The following CCDC175 variants were observed in gnomAD, a reference collection of about 807,000 sequenced individuals.
CCDC175 encodes coiled-coil domain containing 175.
A neutral mutation model predicts 114.6 loss-of-function variants in CCDC175; 100 were observed. The ratio of observed to expected loss-of-function variants is 0.87; its 90% CI spans 0.74 to 1.03. The LOEUF is 1.03. Among genes scored for constraint, CCDC175 ranks in the 50% least tolerant of loss-of-function variants. The pLI, the probability that CCDC175 is intolerant of heterozygous loss-of-function variation, is 0.00. For missense variants in CCDC175, 880 were observed against 917.8 expected, an observed-to-expected ratio of 0.96 and a Z score of 0.53; for synonymous variants, 306 against 308.7, an observed-to-expected ratio of 0.99 and a Z score of 0.09.
intron 3 of CCDC175, 108 bp downstream of exon 3, chr14:59,572,594 T>A: frequency 1.7e-6 from 1 of 590,070 alleles, no homozygotes. Flanking sequence ...ATGTATGCTT[T>A]CTAGCTCTAT....
At chr14:59,554,237 T>C (rs553009644) in intron 7 of CCDC175, among the ~76,000 whole-genome samples, 56 of 152,310 alleles carry the variant, frequency 3.7e-4, no homozygotes, top group African/African-American at 1.3e-3. Context: ...TCAGCAAATG[T>C]AAAAGAACAG....
intron 19 of CCDC175, among the ~76,000 whole-genome samples, chr14:59,506,135 T>A (rs1165188297): frequency 6.6e-6 from 1 of 152,128 alleles, no homozygotes; most frequent in Admixed American, 6.6e-5. Flanking sequence ...ATTTAATAAC[T>A]ACCTTGTTAT....
chr14:59,529,608 C>T (rs1022955281), intron 14 of CCDC175, among the ~76,000 whole-genome samples: 3 of 152,038 alleles, frequency 2.0e-5, no homozygotes, highest in Non-Finnish European at 4.4e-5. Flanking sequence ...CTGCCTCTAT[C>T]CAATTACATC....
At chr14:59,511,548 T>TTAAAAAAAAAA (rs548112842) in intron 18 of CCDC175, among the ~76,000 whole-genome samples, 1 of 94,648 alleles carries the variant, frequency 1.1e-5, no homozygotes, top group African/African-American at 4.1e-5. Context: ...TGATATTTGG[T>TTAAAAAAAAAA]AAAAAAAAAA....
At chr14:59,545,079 T>G (rs1895020831) in intron 9 of CCDC175, 84 bp downstream of exon 9, 1 of 1,273,744 alleles carries the variant, frequency 7.9e-7, no homozygotes, top group Non-Finnish European at 1.1e-6. Context: ...AGGATAAGTT[T>G]AAGTGGAGAG....
intron 14 of CCDC175, among the ~76,000 whole-genome samples, chr14:59,528,669 T>C (rs1015135666): frequency 2.6e-5 from 4 of 152,124 alleles, no homozygotes; most frequent in African/African-American, 4.8e-5. Context: ...CATTATTCAC[T>C]GATTTTTTTC....
intron 9 of CCDC175, among the ~76,000 whole-genome samples, chr14:59,544,547 T>A (rs1352335473): frequency 1.3e-5 from 2 of 152,142 alleles, no homozygotes; most frequent in East Asian, 3.8e-4. Flanking sequence ...CCAGAATTTA[T>A]CTGTTGAAAT....
At chr14:59,551,757 G>T (rs1895505633) in intron 7 of CCDC175, among the ~76,000 whole-genome samples, 1 of 152,188 alleles carries the variant, frequency 6.6e-6, no homozygotes, top group Non-Finnish European at 1.5e-5. Flanking sequence ...GGAAAATCCG[G>T]TCACTCCCAC....
chr14:59,575,144 A>AT, intron 1 of CCDC175, 116 bp from the exon 2 acceptor site: 1 of 569,344 alleles, frequency 1.8e-6, no homozygotes, highest in African/African-American at 1.9e-5. Flanking sequence ...CAGTCTCTGA[A>AT]TTTTTATTGT....
intron 18 of CCDC175, 29 bp downstream of exon 18, chr14:59,511,731 T>C (rs1363990097): frequency 1.3e-6 from 2 of 1,523,454 alleles, no homozygotes; most frequent in East Asian, 2.4e-5. Context: ...GATATTTATA[T>C]GGAGGCAACA....
rs763150349 is a variant in CCDC175 at position 59,563,738 on chromosome 14, G to A, written c.842C>T (p.Ala281Val). Residue 281 changes from alanine to valine, a missense_variant and splice_region_variant, in exon 6 of 20, where the codon GCG becomes GTG. Transcript: ENST00000537690. ...TATATATAGTTTATTCTTTCTTACC[G>A]CTGCGGAAACAGTAACTGTTTCTTT... is the stretch of plus-strand genomic sequence containing the variant. ...KIKETVTVSA[A>V]VLSDHNLEIA... 14 of 1,397,148 alleles carry A rather than the reference G, an allele frequency of 1.0e-5. No homozygotes were observed. Among genetic ancestry groups the A allele is most frequent in the African/African-American group, 7.5e-5 (5 of 66,260 alleles). 86.5% of individuals were successfully genotyped at this position (1,397,148 alleles called of 1,614,324 possible).
intron 17 of CCDC175, among the ~76,000 whole-genome samples, chr14:59,513,141 T>G (rs570379804): frequency 2.6e-5 from 4 of 152,248 alleles, no homozygotes; most frequent in African/African-American, 9.6e-5. Context: ...ACAATGAAAT[T>G]CAAGCATTGC....
chr14:59,545,158 C>T lies in CCDC175; in HGVS notation c.1172+5G>A, dbSNP rs1010380077. On this transcript the variant is annotated splice_donor_5th_base_variant and intron_variant, in intron 9 of 19. Transcript: ENST00000537690. The stretch of plus-strand genomic sequence containing the variant: ...GTTGAATCACACGTGTGGGTAAAGA[C>T]ATACTCATCATGAATCTTTTGTTTT... 1.6e-5 allele frequency: 25 copies of T among 1,535,956 alleles called. No individual in the cohort carries two copies. Among genetic ancestry groups the T allele is most frequent in the Non-Finnish European group, 1.8e-5 (21 of 1,146,466 alleles).
chr14:59,575,659 G>C (rs1897073957), intron 1 of CCDC175, among the ~76,000 whole-genome samples: 1 of 152,060 alleles, frequency 6.6e-6, no homozygotes, highest in African/African-American at 2.4e-5. Flanking sequence ...ACAGACGTGC[G>C]TCACCACGCC....
At position 59,530,816 on chromosome 14, in the gene CCDC175, A is replaced by G. The variant is rs189380270; in HGVS notation, c.1762+956T>C. 5.8e-4 allele frequency among the ~76,000 whole-genome samples: 89 copies of G among 152,338 alleles called. 2 individuals are homozygous for G. Among genetic ancestry groups the G allele is most frequent in the Non-Finnish European group, 6.8e-4 (46 of 68,040 alleles). On this transcript the variant is annotated intron_variant, in intron 14 of 19. Transcript: ENST00000537690. ...CCCATATTTGTCTTTGCTAACCAGT[A>G]GACAATTTTTGTTCCCATTGTAGTC...
intron 17 of CCDC175, among the ~76,000 whole-genome samples, chr14:59,513,783 T>G (rs1181249790): frequency 2.0e-5 from 3 of 152,174 alleles, no homozygotes; most frequent in African/African-American, 7.2e-5. Flanking sequence ...CTCTGCAGAT[T>G]TAAATGTCCC....
chr14:59,543,353 T>C lies in CCDC175; in HGVS notation c.1274A>G (p.Glu425Gly). Residue 425 changes from glutamate to glycine, a missense_variant, in exon 10 of 20, where the codon GAA becomes GGA. Physicochemically the swap from Glu to Gly is moderately conservative, Grantham distance 98. Transcript: ENST00000537690. ...AAGGCAACAAACATACTGTTGAAGT[T>C]CCTGGAGTGTGATGAGTCCTTCTTC... ...NMEEGLITLQ[E>G]LQQATKTVYQ... 2 of 1,336,666 alleles carry C rather than the reference T, an allele frequency of 1.5e-6. No individual in the cohort carries two copies. The highest frequency in any genetic ancestry group is 1.0e-6 in the Non-Finnish European group (1 of 997,832). The allele number at this position is 1,336,666 out of a possible 1,614,324, so 82.8% of individuals were successfully genotyped here. A position where few individuals can be genotyped will look rare whatever the true frequency, so the allele number is the denominator to read the frequency against.
At chr14:59,553,146 C>G (rs1895637112) in intron 7 of CCDC175, among the ~76,000 whole-genome samples, 1 of 152,080 alleles carries the variant, frequency 6.6e-6, no homozygotes, top group Non-Finnish European at 1.5e-5. Flanking sequence ...AAGAGCAACT[C>G]CAAGACACAT....
chr14:59,543,573 A>T, intron 9 of CCDC175, 119 bp from the exon 10 acceptor site: 1 of 419,604 alleles, frequency 2.4e-6, no homozygotes, highest in Non-Finnish European at 4.2e-6. Context: ...TAAATTATTA[A>T]AAAATAGAAA....
Sources: gnomAD v4.1 joint callset for allele counts (sites outside exome capture counted in the v4.1 genomes callset) on GRCh38, gnomAD v4.1.1 for gene constraint, MANE v1.5 for transcripts, NCBI Gene and HGNC (gene_info 2026-07-23, HGNC 2026-07-21) for gene names.